Variants in UGGT1 observed in about 807,000 individuals in gnomAD.
UGGT1 encodes UDP-glucose glycoprotein glucosyltransferase 1.
UGGT1 carries 107 observed loss-of-function variants against 203.9 expected under a neutral mutation model. The observed-to-expected ratio is 0.52, with a 90% CI of 0.45 to 0.62. The LOEUF (loss-of-function observed/expected upper bound fraction) is 0.62, where lower values mean the gene tolerates loss of function less well. Ranked by LOEUF, UGGT1 falls within the 20% of genes least tolerant of loss-of-function variation. UGGT1 has a pLI of 0.00. For missense variants in UGGT1, 1,673 were observed against 1,867.2 expected, an observed-to-expected ratio of 0.90 and a Z score of 1.92; for synonymous variants, 628 against 653.5, an observed-to-expected ratio of 0.96 and a Z score of 0.59.
rs143276908 is a variant in UGGT1, at chr2:128,134,096, G to A, written c.1498-780G>A. Among the ~76,000 whole-genome samples, 667 of 152,276 alleles carry A rather than the reference G, an allele frequency of 4.4e-3. 4 individuals are homozygous for A. The highest frequency in any genetic ancestry group is 0.012 in the African/African-American group (499 of 41,540). On this transcript the variant is annotated intron_variant, in intron 14 of 40. Coordinates refer to ENST00000259253, the MANE Select transcript of UGGT1 (RefSeq NM_020120.4). ...CTGTTGCCCAGGCTGGAGTGCAGTG[G>A]CAGGATCTCGGCTCACTGCAACCTC...
chr2:128,131,660 G>A (rs542563707), intron 13 of UGGT1, among the ~76,000 whole-genome samples: 5 of 151,938 alleles, frequency 3.3e-5, no homozygotes, highest in South Asian at 2.1e-4. Context: ...TTGCAGTCTC[G>A]CTCTCTTGCC....
Position 128,173,910 on chromosome 2 carries a change from A to G in UGGT1, c.3424A>G (p.Ile1142Val), listed in dbSNP as rs150406613. 9.9e-6 allele frequency: 16 copies of G among 1,614,090 alleles called. No individual in the cohort carries two copies. Among genetic ancestry groups the G allele is most frequent in the Non-Finnish European group, 1.4e-5 (16 of 1,180,032 alleles). Residue 1142 changes from isoleucine (I) to valine (V), a missense_variant, in exon 30 of 41, where the codon ATT (isoleucine) becomes GTT (valine). By Grantham distance (29) the Ile-to-Val change is conservative (BLOSUM62 3). Transcript: ENST00000259253. ...CTTAGGAACTTCAGCCAACCCGGTC[A>G]TTGTGGACACCATTGTTATGGCCAA... ...FTLGTSANPV[I>V]VDTIVMANLG...
At chr2:128,149,563 A>G (rs1279191744) in intron 18 of UGGT1, among the ~76,000 whole-genome samples, 1 of 151,250 alleles carries the variant, frequency 6.6e-6, no homozygotes, top group Non-Finnish European at 1.5e-5. Flanking sequence ...CAGGAGATCA[A>G]GATCATTCTG....
chr2:128,107,985 T>C lies in UGGT1; in HGVS notation c.325T>C (p.Phe109Leu). ...TGCAATATTGGAGGCTGCATTTCAG[T>C]TTCTGTCACCCCTCCAGCAGAATTT... is the stretch of plus-strand genomic sequence containing the variant. ...YHAILEAAFQ[F>L]LSPLQQNLFK... is the part of the protein sequence containing the mutation. Residue 109 changes from phenylalanine (F) to leucine (L), a missense_variant, in exon 4 of 41, where the codon TTT becomes CTT. Phe to Leu is a conservative substitution (Grantham distance 22, BLOSUM62 0). Transcript: ENST00000259253. The C allele has an allele frequency of 1.2e-6, 2 of 1,614,186 alleles. No homozygotes were observed. The highest frequency in any genetic ancestry group is 1.7e-6 in the Non-Finnish European group (2 of 1,180,022).
At position 128,143,205 on chromosome 2, in the gene UGGT1, G is replaced by A. The variant is rs755949254; in HGVS notation, c.1831G>A (p.Ala611Thr). Residue 611 changes from alanine to threonine, a missense_variant, in exon 17 of 41, where the codon GCT (alanine) becomes ACT (threonine). This residue lies in a region of UGGT1 where 1,073 missense variants were observed against 1,078.7 expected (regional missense o/e 0.99). Transcript: ENST00000259253. ...GAATAGCATTTTGGGGATTGATTCT[G>A]CTTATGATCGGAATCGGAAGGTAAA... ...EVNSILGIDS[A>T]YDRNRKEARG... The A allele has an allele frequency of 6.2e-7, 1 of 1,613,638 alleles. No homozygotes were observed. The highest frequency in any genetic ancestry group is 8.5e-7 in the Non-Finnish European group (1 of 1,179,824).
At chr2:128,103,704 G>A (rs532468410) in intron 2 of UGGT1, among the ~76,000 whole-genome samples, 1 of 151,584 alleles carries the variant, frequency 6.6e-6, no homozygotes, top group Non-Finnish European at 1.5e-5. Flanking sequence ...TTAAGAAATA[G>A]CTATTAAGTG....
intron 18 of UGGT1, among the ~76,000 whole-genome samples, chr2:128,149,796 A>T (rs552456276): frequency 6.6e-6 from 1 of 150,670 alleles, no homozygotes; most frequent in East Asian, 2.0e-4. Context: ...AAGAAAAAAA[A>T]AAAATAATAA....
At position 128,172,712 on chromosome 2, in the gene UGGT1, G is replaced by A; in HGVS notation, c.3244G>A (p.Val1082Ile). Residue 1082 changes from valine to isoleucine, a missense_variant, in exon 29 of 41, where the codon GTA becomes ATA. Physicochemically the swap from Val to Ile is conservative, Grantham distance 29. Around this residue, in one of 4 missense-constraint regions of UGGT1, gnomAD observed 513 missense variants for 684.1 expected, o/e 0.75. Coordinates refer to ENST00000259253, the MANE Select transcript of UGGT1 (RefSeq NM_020120.4). The stretch of plus-strand genomic sequence containing the variant: ...TTTGAACACACCTGAGAGCTGGATG[G>A]TAGAATCTGTCAGAACACCATATGA... ...LNLNTPESWM[V>I]ESVRTPYDLD... The A allele has an allele frequency of 1.2e-6, 2 of 1,614,102 alleles. No individual in the cohort carries two copies. Among genetic ancestry groups the A allele is most frequent in the South Asian group, 1.1e-5 (1 of 91,078 alleles).
chr2:128,166,906 G>A (rs1419823569), intron 26 of UGGT1, among the ~76,000 whole-genome samples: 1 of 152,298 alleles, frequency 6.6e-6, no homozygotes, highest in South Asian at 2.1e-4. Context: ...TAGTGGGCCT[G>A]TGTTTTTTAT....
intron 14 of UGGT1, 30 bp downstream of exon 14, chr2:128,133,290 C>T: frequency 1.3e-6 from 2 of 1,572,672 alleles, no homozygotes; most frequent in Non-Finnish European, 1.7e-6. Flanking sequence ...TGGCTGTGAA[C>T]TCTGTTTCTC....
intron 18 of UGGT1, chr2:128,151,327 G>T: frequency 1.8e-6 from 1 of 555,866 alleles, no homozygotes; most frequent in Non-Finnish European, 3.4e-6. Context: ...AGGCAGACAT[G>T]GCGCCTGCCA....
intron 13 of UGGT1, among the ~76,000 whole-genome samples, chr2:128,130,298 G>C (rs983932737): frequency 4.6e-5 from 7 of 151,474 alleles, no homozygotes; most frequent in Admixed American, 3.3e-4. Context: ...GGGGAATAGT[G>C]CCATCTTGGG....
chr2:128,131,614 GTTGTGTTGCA>G (rs954165228), intron 13 of UGGT1, among the ~76,000 whole-genome samples: 5 of 151,334 alleles, frequency 3.3e-5, no homozygotes, highest in African/African-American at 4.9e-5. Flanking sequence ...ATTGTGTTGT[GTTGTGTTGCA>G]TTGTGTTGCA....
chr2:128,158,542 A>G (rs1690360120), intron 22 of UGGT1, among the ~76,000 whole-genome samples: 1 of 152,256 alleles, frequency 6.6e-6, no homozygotes, highest in Non-Finnish European at 1.5e-5. Flanking sequence ...GTAGGGGTAT[A>G]GAGTCCTTTT....
chr2:128,138,645 C>G, intron 15 of UGGT1, 72 bp from the exon 16 acceptor site: 1 of 1,542,578 alleles, frequency 6.5e-7, no homozygotes. Context: ...GAGAAGGGTA[C>G]AAGGATGTCA....
chr2:128,182,698 CAAAAAAAAAAAAAA>C (rs70988612), intron 37 of UGGT1, among the ~76,000 whole-genome samples: 1 of 118,332 alleles, frequency 8.5e-6, no homozygotes, highest in African/African-American at 3.2e-5. Flanking sequence ...GATTCCATCT[CAAAAAAAAAAAAAA>C]ATACAGTGTA....
chr2:128,112,447 T>C (rs1239005794), intron 5 of UGGT1, among the ~76,000 whole-genome samples: 2 of 102,870 alleles, frequency 1.9e-5, no homozygotes, highest in African/African-American at 3.3e-5. Context: ...CCCCAAAAAA[T>C]ACTATGTTAT....
chr2:128,095,500 C>G (rs78159350), intron 1 of UGGT1, among the ~76,000 whole-genome samples: 1 of 150,454 alleles, frequency 6.6e-6, no homozygotes, highest in Non-Finnish European at 1.5e-5. Context: ...CCTCCTCCCC[C>G]ACTCTCCTCC....
At chr2:128,124,273 T>C (rs1558770694) in intron 11 of UGGT1, among the ~76,000 whole-genome samples, 2 of 152,136 alleles carry the variant, frequency 1.3e-5, no homozygotes, top group African/African-American at 2.4e-5. Flanking sequence ...TATTGATAGC[T>C]CGTTATACAA....
Sources: gnomAD v4.1 joint callset for allele counts (sites outside exome capture counted in the v4.1 genomes callset) on GRCh38, gnomAD v4.1.1 for gene constraint, gnomAD v4.1.1 regional missense constraint, MANE v1.5 for transcripts, NCBI Gene and HGNC (gene_info 2026-07-23, HGNC 2026-07-21) for gene names.